Variants in SMCHD1 observed in about 807,000 individuals in gnomAD.
The protein encoded by SMCHD1 is structural maintenance of chromosomes flexible hinge domain-containing protein 1.
In SMCHD1, 78 loss-of-function variants were observed where a neutral mutation model predicts 254.7. That is an observed-to-expected ratio of 0.31 (90% confidence interval 0.26 to 0.37). The LOEUF (loss-of-function observed/expected upper bound fraction) is 0.37, where lower values mean the gene tolerates loss of function less well. Among genes scored for constraint, SMCHD1 ranks in the 10% least tolerant of loss-of-function variants. The pLI, the probability that SMCHD1 is intolerant of heterozygous loss-of-function variation, is 1.00. For missense variants in SMCHD1, 1,840 were observed against 2,408.1 expected (o/e 0.76, Z 4.94); for synonymous variants, 766 against 794.9 (o/e 0.96, Z 0.61).
chr18:2,801,966 T>C (rs1568419750), intron 47 of SMCHD1, among the ~76,000 whole-genome samples: 1 of 151,584 alleles, frequency 6.6e-6, no homozygotes, highest in African/African-American at 2.4e-5. Context: ...TTTCCACTTA[T>C]AAAGATTAAA....
chr18:2,698,925 A>G (rs1340029384), intron 10 of SMCHD1, among the ~76,000 whole-genome samples: 1 of 152,042 alleles, frequency 6.6e-6, no homozygotes, highest in East Asian at 1.9e-4. Flanking sequence ...GGGAAAAAAC[A>G]TTTTCACTAT....
intron 13 of SMCHD1, among the ~76,000 whole-genome samples, chr18:2,704,960 AT>A (rs1294594606): frequency 6.6e-6 from 1 of 152,180 alleles, no homozygotes; most frequent in Admixed American, 6.5e-5. Context: ...AACTAGCAGA[AT>A]GTGACATCCC....
chr18:2,739,924 A>T (rs951477003), intron 27 of SMCHD1, among the ~76,000 whole-genome samples: 10 of 140,588 alleles, frequency 7.1e-5, no homozygotes, highest in African/African-American at 2.3e-4. Flanking sequence ...ACTCCTAAAA[A>T]AATTCTTTTT....
intron 22 of SMCHD1, among the ~76,000 whole-genome samples, chr18:2,727,845 C>A (rs2143448753): frequency 6.6e-6 from 1 of 152,082 alleles, no homozygotes; most frequent in East Asian, 1.9e-4. Context: ...TTAAGTAATT[C>A]TCTCCATATA....
In SMCHD1 at chr18:2,763,801, A is replaced by G. The variant is rs202219027; in HGVS notation, c.4719+12A>G. ...CGGCTGAAATCATGGTAAATTTTTT[A>G]TATCTTTTGGTAGATAGAATTTCTG... On this transcript the variant is annotated intron_variant, in intron 37 of 47. Transcript: ENST00000320876. 4 of 1,603,104 alleles carry G rather than the reference A, an allele frequency of 2.5e-6. No individual in the cohort carries two copies. The highest frequency in any genetic ancestry group is 1.7e-5 in the Admixed American group (1 of 57,416).
intron 45 of SMCHD1, chr18:2,785,127 C>A (rs1408915285): frequency 1.2e-5 from 3 of 248,592 alleles, no homozygotes; most frequent in Non-Finnish European, 2.4e-5. Context: ...TGTCCCTTTG[C>A]ATCTAATTAG....
chr18:2,707,998 T>C (rs1264497613), intron 17 of SMCHD1, 78 bp downstream of exon 17: 2 of 892,186 alleles, frequency 2.2e-6, no homozygotes, highest in Non-Finnish European at 3.2e-6. Flanking sequence ...CATGTAATTA[T>C]TGATGACCTA....
chr18:2,683,931 TA>T (rs1306583256), intron 5 of SMCHD1, among the ~76,000 whole-genome samples: 8 of 152,180 alleles, frequency 5.3e-5, no homozygotes, highest in African/African-American at 1.9e-4. Flanking sequence ...ATGGGTTTCT[TA>T]TAGACAACAT....
chr18:2,798,428 G>A (rs1041797168), intron 47 of SMCHD1, among the ~76,000 whole-genome samples: 2 of 152,150 alleles, frequency 1.3e-5, no homozygotes, highest in Admixed American at 1.3e-4. Context: ...TAGAAATTAT[G>A]AGTTCAAAAT....
intron 5 of SMCHD1, among the ~76,000 whole-genome samples, chr18:2,682,573 C>G (rs1018508534): frequency 6.6e-6 from 1 of 152,240 alleles, no homozygotes; most frequent in Non-Finnish European, 1.5e-5. Context: ...ACACCCACCT[C>G]AGCCTCCCAA....
intron 37 of SMCHD1, 136 bp downstream of exon 37, chr18:2,763,925 ATTTTCTG>A: frequency 1.2e-6 from 1 of 810,278 alleles, no homozygotes; most frequent in East Asian, 3.1e-5. Context: ...CAGCTGAAAT[ATTTTCTG>A]TTTTTGCTAT....
At chr18:2,680,912 C>T (rs1598304865) in intron 5 of SMCHD1, among the ~76,000 whole-genome samples, 1 of 152,098 alleles carries the variant, frequency 6.6e-6, no homozygotes, top group East Asian at 1.9e-4. Flanking sequence ...TGGAAGTGTT[C>T]ACTCGTTTAC....
At chr18:2,746,905 ATATAC>A (rs954563099) in intron 29 of SMCHD1, among the ~76,000 whole-genome samples, 6 of 152,196 alleles carry the variant, frequency 3.9e-5, no homozygotes, top group African/African-American at 1.4e-4. Context: ...ATACAGCCTT[ATATAC>A]TAGCTGGGGA....
At chr18:2,786,177 C>A (rs777295978) in intron 45 of SMCHD1, among the ~76,000 whole-genome samples, 5 of 152,194 alleles carry the variant, frequency 3.3e-5, no homozygotes, top group South Asian at 4.1e-4. Context: ...CCACACCTGG[C>A]AAACTTTTGT....
At chr18:2,708,874 A>ATG (rs2074585618) in intron 17 of SMCHD1, among the ~76,000 whole-genome samples, 1 of 35,942 alleles carries the variant, frequency 2.8e-5, no homozygotes, top group East Asian at 1.1e-3. Context: ...CTTCATATAT[A>ATG]TATATATATA....
intron 45 of SMCHD1, among the ~76,000 whole-genome samples, chr18:2,787,119 G>A (rs1290218825): frequency 6.6e-6 from 1 of 152,178 alleles, no homozygotes; most frequent in African/African-American, 2.4e-5. Flanking sequence ...GAGGGCGTCA[G>A]GCTGCTTCCT....
chr18:2,697,819 T>C lies in SMCHD1; in HGVS notation c.1132-12T>C. 6.4e-7 allele frequency: 1 copy of C among 1,565,660 alleles called. No homozygotes were observed. Among genetic ancestry groups the C allele is most frequent in the Middle Eastern group, 1.7e-4 (1 of 5,942 alleles). On this transcript the variant is annotated splice_polypyrimidine_tract_variant and intron_variant, in intron 9 of 47. Coordinates refer to ENST00000320876, the MANE Select transcript of SMCHD1 (RefSeq NM_015295.3). Reference sequence around the variant, plus strand: ...ATAGAATTTAATTATTTTTGTTTCCTTTTTATTTTAGATTTCTATGTTTGA... The same window carrying C: ...ATAGAATTTAATTATTTTTGTTTCCCTTTTATTTTAGATTTCTATGTTTGA...
intron 19 of SMCHD1, among the ~76,000 whole-genome samples, chr18:2,721,614 C>CCCTA (rs2074929796): frequency 6.6e-6 from 1 of 152,090 alleles, no homozygotes; most frequent in Admixed American, 6.6e-5. Flanking sequence ...AGGGTGATAC[C>CCCTA]AAGAAGTGGA....
chr18:2,689,747 G>A (rs1403659198), intron 7 of SMCHD1, among the ~76,000 whole-genome samples: 1 of 151,246 alleles, frequency 6.6e-6, no homozygotes, highest in Non-Finnish European at 1.5e-5. Context: ...TGGGCATGGT[G>A]GCTCAGTCCT....
Sources: allele counts gnomAD v4.1 joint callset (sites outside exome capture counted in the v4.1 genomes callset), GRCh38; gene constraint gnomAD v4.1.1; transcripts MANE v1.5; gene names NCBI Gene and HGNC (gene_info 2026-07-23, HGNC 2026-07-21).